The following CLEC16A variants were observed in gnomAD, a reference collection of about 807,000 sequenced individuals.
The protein encoded by CLEC16A is C-type lectin domain containing 16A, also known as protein CLEC16A.
In CLEC16A, 51 loss-of-function variants were observed where a neutral mutation model predicts 109.5. The observed-to-expected ratio is 0.47, with a 90% CI of 0.37 to 0.59. The LOEUF is 0.59. Ranked by LOEUF, CLEC16A falls within the 20% of genes least tolerant of loss-of-function variation. CLEC16A has a pLI of 0.00. For synonymous variants in CLEC16A, 673 were observed against 564.2 expected, an observed-to-expected ratio of 1.19 and a Z score of -2.73; for missense variants, 1,339 against 1,394.0, an observed-to-expected ratio of 0.96 and a Z score of 0.63.
At chr16:11,116,262 G>C (rs1265163079) in intron 19 of CLEC16A, among the ~76,000 whole-genome samples, 1 of 152,024 alleles carries the variant, frequency 6.6e-6, no homozygotes, top group East Asian at 1.9e-4. Context: ...AGGCGTGGTG[G>C]TGTTTGCCTA....
chr16:11,080,862 T>G (rs891195593), intron 19 of CLEC16A, among the ~76,000 whole-genome samples: 1 of 152,220 alleles, frequency 6.6e-6, no homozygotes, highest in Non-Finnish European at 1.5e-5. Context: ...TAATCCAAGA[T>G]AAGCTCCCCC....
intron 22 of CLEC16A, among the ~76,000 whole-genome samples, chr16:11,129,945 G>A (rs2053090044): frequency 6.6e-6 from 1 of 152,044 alleles, no homozygotes; most frequent in Non-Finnish European, 1.5e-5. Flanking sequence ...TGTATTTTTA[G>A]TAGAGATGGG....
At chr16:11,015,444 C>G (rs1166089682) in intron 11 of CLEC16A, among the ~76,000 whole-genome samples, 2 of 152,152 alleles carry the variant, frequency 1.3e-5, no homozygotes, top group Admixed American at 6.5e-5. Context: ...CAGGGTTGGA[C>G]CAGACGGTGG....
At position 11,174,311 on chromosome 16, in the gene CLEC16A, C is replaced by A; in HGVS notation, c.2807-4024C>A. Reference sequence around the variant, plus strand: ...CCCCTGTGAGCCGCTCGGGCCGCGACGTCCACTCGCCACGCTGCATTTCCA... The same window carrying A: ...CCCCTGTGAGCCGCTCGGGCCGCGAAGTCCACTCGCCACGCTGCATTTCCA... On this transcript the variant is annotated intron_variant, in intron 23 of 23. Coordinates refer to ENST00000409790, the MANE Select transcript of CLEC16A (RefSeq NM_015226.3). The surrounding 1 kb of genome is among the most constrained non-coding windows in gnomAD (Gnocchi z 4.7). 1 of 439,042 alleles carries A rather than the reference C, an allele frequency of 2.3e-6. No homozygotes were observed. The highest frequency in any genetic ancestry group is 1.6e-5 in the South Asian group (1 of 63,514). 27.2% of individuals were successfully genotyped at this position (439,042 alleles called of 1,614,324 possible).
chr16:11,179,073 G>A lies in CLEC16A; in HGVS notation c.*383G>A, dbSNP rs888746232. The A allele has an allele frequency of 9.5e-6, 2 of 210,784 alleles. No individual in the cohort carries two copies. Among genetic ancestry groups the A allele is most frequent in the Non-Finnish European group, 1.9e-5 (2 of 107,058 alleles). 13.1% of individuals were successfully genotyped at this position (210,784 alleles called of 1,614,324 possible). A position where few individuals can be genotyped will look rare whatever the true frequency, so the allele number is the denominator to read the frequency against. Reference sequence around the variant, plus strand: ...AGTGTGCACAGAAGAATTGGACCAGGTCACTGTACGTAGAAATTTGTAGAA... The same window carrying A: ...AGTGTGCACAGAAGAATTGGACCAGATCACTGTACGTAGAAATTTGTAGAA... On this transcript the variant is annotated 3_prime_UTR_variant, in exon 24 of 24. Coordinates refer to ENST00000409790, the MANE Select transcript of CLEC16A (RefSeq NM_015226.3).
At chr16:11,127,423 A>G (rs1380828316) in intron 22 of CLEC16A, among the ~76,000 whole-genome samples, 2 of 152,152 alleles carry the variant, frequency 1.3e-5, no homozygotes, top group African/African-American at 4.8e-5. Flanking sequence ...AATTGTGCAA[A>G]TTTCTCATGT....
chr16:10,955,513 T>C (rs1329366836), intron 1 of CLEC16A, among the ~76,000 whole-genome samples: 2 of 152,148 alleles, frequency 1.3e-5, no homozygotes, highest in Non-Finnish European at 2.9e-5. Flanking sequence ...GGGAACGCTT[T>C]ACCAAGAGAT....
At chr16:10,998,551 T>C (rs565736816) in intron 10 of CLEC16A, among the ~76,000 whole-genome samples, 1 of 152,380 alleles carries the variant, frequency 6.6e-6, no homozygotes, top group South Asian at 2.1e-4. Context: ...TTTCTTACTC[T>C]GAAGTGGGCT....
chr16:11,100,064 C>T (rs541007192), intron 19 of CLEC16A, among the ~76,000 whole-genome samples: 1 of 152,166 alleles, frequency 6.6e-6, no homozygotes, highest in Non-Finnish European at 1.5e-5. Flanking sequence ...CACTTATTTA[C>T]TATTGGACAG....
intron 19 of CLEC16A, among the ~76,000 whole-genome samples, chr16:11,106,810 C>T (rs892059210): frequency 1.1e-4 from 17 of 152,292 alleles, no homozygotes; most frequent in East Asian, 3.9e-4. Flanking sequence ...TATTACCCCC[C>T]GCCTATAGAT....
intron 11 of CLEC16A, among the ~76,000 whole-genome samples, chr16:11,014,989 T>C (rs1196250460): frequency 6.6e-6 from 1 of 152,200 alleles, no homozygotes; most frequent in Non-Finnish European, 1.5e-5. Context: ...GGGGAGCCCT[T>C]TCCCCCAAAA....
At chr16:11,090,530 C>CT (rs1413831434) in intron 19 of CLEC16A, among the ~76,000 whole-genome samples, 34 of 152,202 alleles carry the variant, frequency 2.2e-4, no homozygotes, top group African/African-American at 6.8e-4. Context: ...CAGTGGACCA[C>CT]TTTCCTATTA....
At chr16:11,118,651 A>C (rs948168557) in intron 19 of CLEC16A, among the ~76,000 whole-genome samples, 1 of 152,194 alleles carries the variant, frequency 6.6e-6, no homozygotes, top group Non-Finnish European at 1.5e-5. Flanking sequence ...AGTAAGTTCC[A>C]TTTGTCTATT....
chr16:11,068,046 G>T (rs993455378), intron 19 of CLEC16A, among the ~76,000 whole-genome samples: 3 of 152,150 alleles, frequency 2.0e-5, no homozygotes, highest in Non-Finnish European at 4.4e-5. Context: ...GCCAGGACTT[G>T]CCTGTTTAAA....
Position 11,060,988 on chromosome 16 carries a change from G to A in CLEC16A, c.2082G>A (p.Glu694=), listed in dbSNP as rs143977667. 3.0e-5 allele frequency: 49 copies of A among 1,611,954 alleles called. No homozygotes were observed. The East Asian group carries it at 1.0e-3, about 34-fold the overall frequency. Residue 694 remains glutamate, a synonymous_variant, in exon 19 of 24, where the codon GAG becomes GAA. Transcript: ENST00000409790. The stretch of plus-strand genomic sequence containing the variant: ...CACAGTTGCCGCTGACTCGGGAGGA[G>A]GACCTGATCAAGACTGATGATGTCC... ...PETQLPLTRE[E]DLIKTDDVLD...
chr16:11,001,528 A>T (rs1165747162), intron 10 of CLEC16A, among the ~76,000 whole-genome samples: 1 of 152,240 alleles, frequency 6.6e-6, no homozygotes, highest in Non-Finnish European at 1.5e-5. Context: ...TAGCTGTGTG[A>T]CATTGGGCAA....
chr16:11,099,598 A>G (rs2050793242), intron 19 of CLEC16A, among the ~76,000 whole-genome samples: 1 of 152,214 alleles, frequency 6.6e-6, no homozygotes, highest in South Asian at 2.1e-4. Flanking sequence ...ATCAGGAAAC[A>G]AGAAAGGCAA....
chr16:11,142,148 G>T (rs186044521), intron 22 of CLEC16A, among the ~76,000 whole-genome samples: 4 of 152,306 alleles, frequency 2.6e-5, no homozygotes, highest in Non-Finnish European at 1.5e-5. Flanking sequence ...GAGGCCCAGA[G>T]AGGTGAGGTA....
chr16:11,136,991 C>T (rs1338759994), intron 22 of CLEC16A, among the ~76,000 whole-genome samples: 2 of 152,236 alleles, frequency 1.3e-5, no homozygotes, highest in African/African-American at 2.4e-5. Flanking sequence ...CGTTCTGAAG[C>T]ATATTCAGAG....
Sources: allele counts gnomAD v4.1 joint callset (sites outside exome capture counted in the v4.1 genomes callset), GRCh38; gene constraint gnomAD v4.1.1; non-coding constraint Gnocchi (gnomAD v3.1); transcripts MANE v1.5; gene names NCBI Gene and HGNC (gene_info 2026-07-23, HGNC 2026-07-21).